The following MYOM1 variants were observed in gnomAD, a reference collection of about 807,000 sequenced individuals.
MYOM1 encodes myomesin-1.
A neutral mutation model predicts 205.3 loss-of-function variants in MYOM1; 164 were observed. The ratio of observed to expected loss-of-function variants is 0.80; its 90% CI spans 0.70 to 0.91. The LOEUF (loss-of-function observed/expected upper bound fraction) is 0.91. MYOM1 is among the 40% of genes least tolerant of loss of function. The pLI is 0.00. For missense variants in MYOM1, 2,011 were observed against 2,127.3 expected, an observed-to-expected ratio of 0.95 and a Z score of 1.08; for synonymous variants, 772 against 789.4, an observed-to-expected ratio of 0.98 and a Z score of 0.37.
At chr18:3,171,548 C>T (rs2080557483) in intron 8 of MYOM1, among the ~76,000 whole-genome samples, 1 of 152,066 alleles carries the variant, frequency 6.6e-6, no homozygotes, top group Admixed American at 6.6e-5. Context: ...CACATCATTT[C>T]GTTGTCACGT....
At chr18:3,194,930 A>T (rs2080973321) in intron 2 of MYOM1, among the ~76,000 whole-genome samples, 1 of 146,702 alleles carries the variant, frequency 6.8e-6, no homozygotes, top group Non-Finnish European at 1.5e-5. Flanking sequence ...AAGTTAATGT[A>T]TTTTTTAAGA....
intron 4 of MYOM1, among the ~76,000 whole-genome samples, chr18:3,188,275 C>T (rs2080849750): frequency 6.6e-6 from 1 of 152,126 alleles, no homozygotes; most frequent in South Asian, 2.1e-4. Context: ...ATGTCTTTCT[C>T]CTTGTTTTCT....
At chr18:3,097,771 T>C (rs2034920477) in intron 25 of MYOM1, among the ~76,000 whole-genome samples, 1 of 152,134 alleles carries the variant, frequency 6.6e-6, no homozygotes, top group South Asian at 2.1e-4. Flanking sequence ...GGGTCTCTAA[T>C]AAAAGGATAA....
chr18:3,101,669 G>A (rs1240976652), intron 23 of MYOM1, among the ~76,000 whole-genome samples: 3 of 152,132 alleles, frequency 2.0e-5, no homozygotes, highest in Non-Finnish European at 4.4e-5. Flanking sequence ...GAACCAGCGA[G>A]TTCTTCCTAG....
At chr18:3,210,381 G>C (rs2081177430) in intron 2 of MYOM1, among the ~76,000 whole-genome samples, 1 of 152,182 alleles carries the variant, frequency 6.6e-6, no homozygotes, top group South Asian at 2.1e-4. Context: ...GTGGGAGTGG[G>C]GGTGGTTGAT....
Position 3,066,977 on chromosome 18 carries a change from A to T in MYOM1, c.*285T>A, listed in dbSNP as rs553185493. The T allele has an allele frequency of 1.3e-4, 49 of 391,488 alleles. No homozygotes were observed. In the South Asian group the frequency reaches 1.5e-3, roughly 12 times the overall value. The allele number at this position is 391,488 out of a possible 1,614,324, so 24.3% of individuals were successfully genotyped here. On this transcript the variant is annotated 3_prime_UTR_variant, in exon 38 of 38. Coordinates refer to ENST00000356443, the MANE Select transcript of MYOM1 (RefSeq NM_003803.4). ...CCACGACACATTCGTCTGCCCTCTG[A>T]CCATCATTCAATGTCCCTCCAACTT... is the stretch of plus-strand genomic sequence containing the variant.
Position 3,086,155 on chromosome 18 carries a change from G to A in MYOM1, c.4138-4C>T, listed in dbSNP as rs868712835. 6.5e-7 allele frequency: 1 copy of A among 1,548,512 alleles called. No homozygotes were observed. The highest frequency in any genetic ancestry group is 8.8e-7 in the Non-Finnish European group (1 of 1,136,714). ...TCTCCTTCTTAATATTTGCCACCTA[G>A]GAGAAAAACCATAATTACTTTTCTT... On this transcript the variant is annotated splice_region_variant and splice_polypyrimidine_tract_variant and intron_variant, in intron 29 of 37. Transcript: ENST00000356443.
chr18:3,225,912 C>T, the MYOM1 span, among the ~76,000 whole-genome samples: 2 of 152,160 alleles, frequency 1.3e-5, no homozygotes, highest in African/African-American at 4.8e-5. Context: ...ATTGGGTTGA[C>T]TTAGACTGAA....
chr18:3,067,078 A>G lies in MYOM1; in HGVS notation c.*184T>C. The stretch of plus-strand genomic sequence containing the variant: ...GTATTTTCTTAACACATAATTTTGT[A>G]GATAAAGAAAAACAATTAAAGTGTC... On this transcript the variant is annotated 3_prime_UTR_variant, in exon 38 of 38. Coordinates refer to ENST00000356443, the MANE Select transcript of MYOM1 (RefSeq NM_003803.4). 1 of 629,650 alleles carries G rather than the reference A, an allele frequency of 1.6e-6. No homozygotes were observed. The highest frequency in any genetic ancestry group is 2.2e-5 in the South Asian group (1 of 44,584). The allele number at this position is 629,650 out of a possible 1,614,324, so 39.0% of individuals were successfully genotyped here.
chr18:3,109,305 C>T (rs2079493772), intron 22 of MYOM1, among the ~76,000 whole-genome samples: 1 of 152,128 alleles, frequency 6.6e-6, no homozygotes, highest in African/African-American at 2.4e-5. Flanking sequence ...TAGAATATCC[C>T]ACAACTTAGC....
At chr18:3,085,324 T>A (rs1323256521) in intron 30 of MYOM1, among the ~76,000 whole-genome samples, 192 bp from the exon 31 acceptor site, 3 of 146,472 alleles carry the variant, frequency 2.0e-5, no homozygotes, top group Admixed American at 1.4e-4. Context: ...TGTGTGATTA[T>A]AGCTCACTGT....
At chr18:3,218,003 G>T (rs2081290647) in intron 1 of MYOM1, among the ~76,000 whole-genome samples, 1 of 152,104 alleles carries the variant, frequency 6.6e-6, no homozygotes, top group Non-Finnish European at 1.5e-5. Flanking sequence ...GGAACATGCA[G>T]GCTTCTAGTC....
Position 3,067,201 on chromosome 18 carries a change from CTT to C in MYOM1, c.*59_*60del. 1 of 1,510,426 alleles carries C rather than the reference CTT, an allele frequency of 6.6e-7. No homozygotes were observed. Among genetic ancestry groups the C allele is most frequent in the Non-Finnish European group, 8.9e-7 (1 of 1,120,380 alleles). 93.6% of individuals were successfully genotyped at this position (1,510,426 alleles called of 1,614,324 possible). A position where few individuals can be genotyped will look rare whatever the true frequency, so the allele number is the denominator to read the frequency against. ...GGAGAAAGCATGAAGACGTCTCATC[CTT>C]AACCCAAACCATTCACACCCAAGTC... On this transcript the variant is annotated 3_prime_UTR_variant, in exon 38 of 38. Coordinates refer to ENST00000356443, the MANE Select transcript of MYOM1 (RefSeq NM_003803.4).
intron 2 of MYOM1, among the ~76,000 whole-genome samples, chr18:3,205,836 T>C (rs1275851855): frequency 6.6e-6 from 1 of 152,214 alleles, no homozygotes; most frequent in Non-Finnish European, 1.5e-5. Context: ...TTCTTAACAT[T>C]CTGTAGCAAT....
At chr18:3,170,200 T>C (rs967847171) in intron 8 of MYOM1, among the ~76,000 whole-genome samples, 3 of 152,152 alleles carry the variant, frequency 2.0e-5, no homozygotes, top group African/African-American at 7.2e-5. Flanking sequence ...AAAATACAAT[T>C]AGATGCAAGG....
At chr18:3,205,219 G>A (rs2081112593) in intron 2 of MYOM1, among the ~76,000 whole-genome samples, 1 of 151,996 alleles carries the variant, frequency 6.6e-6, no homozygotes, top group Non-Finnish European at 1.5e-5. Context: ...CAAAATTGTT[G>A]AACTGAACTT....
intron 29 of MYOM1, among the ~76,000 whole-genome samples, chr18:3,088,297 C>T (rs1598658263): frequency 6.6e-6 from 1 of 152,174 alleles, no homozygotes. Context: ...GACAGCAAGA[C>T]GGAGCAGCTG....
chr18:3,070,736 T>G (rs929568055), intron 37 of MYOM1, among the ~76,000 whole-genome samples: 2 of 146,102 alleles, frequency 1.4e-5, no homozygotes, highest in Non-Finnish European at 3.0e-5. Flanking sequence ...TGCATGTTCT[T>G]TGTGTGTGTG....
At chr18:3,108,953 T>C (rs771037786) in intron 22 of MYOM1, among the ~76,000 whole-genome samples, 4 of 151,618 alleles carry the variant, frequency 2.6e-5, no homozygotes, top group Admixed American at 6.6e-5. Flanking sequence ...AGTCTACCTA[T>C]AACATCCTCC....
Sources: gnomAD v4.1 joint callset for allele counts (sites outside exome capture counted in the v4.1 genomes callset) on GRCh38, gnomAD v4.1.1 for gene constraint, MANE v1.5 for transcripts, NCBI Gene and HGNC (gene_info 2026-07-23, HGNC 2026-07-21) for gene names.